The following NR3C2 variants were observed in gnomAD, a reference collection of about 807,000 sequenced individuals.
NR3C2 encodes mineralocorticoid receptor.
In NR3C2, 15 loss-of-function variants were observed where a neutral mutation model predicts 86.4. The observed-to-expected ratio is 0.17, with a 90% CI of 0.12 to 0.27. The LOEUF (loss-of-function observed/expected upper bound fraction) is 0.27, where lower values mean the gene tolerates loss of function less well. Among genes scored for constraint, NR3C2 ranks in the 10% least tolerant of loss-of-function variants. NR3C2 has a pLI of 1.00. For synonymous variants in NR3C2, 458 were observed against 450.5 expected (o/e 1.02, Z -0.21); for missense variants, 960 against 1,195.6 (o/e 0.80, Z 2.91).
chr4:148,357,080 T>C (rs925410556), intron 2 of NR3C2, among the ~76,000 whole-genome samples: 1 of 152,142 alleles, frequency 6.6e-6, no homozygotes, highest in African/African-American at 2.4e-5. Flanking sequence ...ATGTTATATA[T>C]TCATAAATAC....
chr4:148,102,444 C>T (rs1040441478), intron 8 of NR3C2, among the ~76,000 whole-genome samples: 1 of 152,180 alleles, frequency 6.6e-6, no homozygotes, highest in African/African-American at 2.4e-5. Context: ...CTTCATCCCC[C>T]CTCCCAGATC....
At chr4:148,411,500 C>T (rs1320270609) in intron 2 of NR3C2, among the ~76,000 whole-genome samples, 1 of 152,202 alleles carries the variant, frequency 6.6e-6, no homozygotes, top group Admixed American at 6.5e-5. Flanking sequence ...TATCTTTGTT[C>T]TGTATTTTTA....
At chr4:148,282,399 T>C (rs1478295857) in intron 2 of NR3C2, among the ~76,000 whole-genome samples, 6 of 152,194 alleles carry the variant, frequency 3.9e-5, no homozygotes, top group Admixed American at 2.0e-4. Context: ...CAATTAGCAA[T>C]AAAACCATTT....
chr4:148,127,178 G>A (rs1177316391), intron 6 of NR3C2, among the ~76,000 whole-genome samples: 1 of 152,034 alleles, frequency 6.6e-6, no homozygotes, highest in Non-Finnish European at 1.5e-5. Context: ...AAGAAAATAG[G>A]TCATCTTGAA....
intron 3 of NR3C2, chr4:148,208,640 G>T (rs1173062163): frequency 6.6e-6 from 1 of 152,184 alleles, no homozygotes; most frequent in Non-Finnish European, 1.5e-5. Context: ...TACACCCAAA[G>T]ACTCTCATGA....
At chr4:148,217,330 T>G (rs1019301278) in intron 3 of NR3C2, among the ~76,000 whole-genome samples, 1 of 152,224 alleles carries the variant, frequency 6.6e-6, no homozygotes, top group Non-Finnish European at 1.5e-5. Flanking sequence ...CATTTCAGAA[T>G]ACGAATACAG....
chr4:148,188,454 G>A (rs1736039545), intron 4 of NR3C2, among the ~76,000 whole-genome samples: 1 of 151,890 alleles, frequency 6.6e-6, no homozygotes. Flanking sequence ...TCCTTTCTTA[G>A]GTATATTCCT....
At chr4:148,371,477 C>A (rs1052562493) in intron 2 of NR3C2, among the ~76,000 whole-genome samples, 2 of 152,118 alleles carry the variant, frequency 1.3e-5, no homozygotes, top group Admixed American at 6.5e-5. Context: ...TCTGTAAATA[C>A]AGAAACAGAG....
chr4:148,130,829 T>G (rs60666708), intron 6 of NR3C2, among the ~76,000 whole-genome samples: 4,185 of 101,654 alleles, frequency 0.041, 176 homozygotes, highest in African/African-American at 0.14. Context: ...GTTTTTTTTT[T>G]TTTTTTTTTT....
chr4:148,418,856 A>G (rs1749134680), intron 2 of NR3C2, among the ~76,000 whole-genome samples: 1 of 152,224 alleles, frequency 6.6e-6, no homozygotes, highest in Admixed American at 6.5e-5. Context: ...GCTCAAGGCC[A>G]TATGATGAGC....
intron 3 of NR3C2, among the ~76,000 whole-genome samples, chr4:148,199,929 G>A (rs1352339920): frequency 6.6e-6 from 1 of 152,202 alleles, no homozygotes; most frequent in Non-Finnish European, 1.5e-5. Context: ...TCTGACTTAA[G>A]GAAGGGACCA....
At chr4:148,365,934 C>T (rs2126341238) in intron 2 of NR3C2, among the ~76,000 whole-genome samples, 1 of 152,282 alleles carries the variant, frequency 6.6e-6, no homozygotes, top group South Asian at 2.1e-4. Context: ...ATTTATAAGA[C>T]AGCCACAGAA....
chr4:148,354,725 T>C (rs1745469004), intron 2 of NR3C2, among the ~76,000 whole-genome samples: 5 of 152,256 alleles, frequency 3.3e-5, no homozygotes, highest in Admixed American at 2.0e-4. Flanking sequence ...GACATTCGTA[T>C]ATAAAGTATC....
intron 2 of NR3C2, among the ~76,000 whole-genome samples, chr4:148,397,161 AAG>A (rs1242270637): frequency 2.0e-5 from 3 of 152,326 alleles, no homozygotes; most frequent in Non-Finnish European, 4.4e-5. Context: ...GTGGCCAGCA[AAG>A]ACCAGCCCCC....
At chr4:148,154,091 C>A (rs1373461565) in intron 5 of NR3C2, among the ~76,000 whole-genome samples, 1 of 151,076 alleles carries the variant, frequency 6.6e-6, no homozygotes, top group Non-Finnish European at 1.5e-5. Context: ...TCACTGCAGC[C>A]TCTGCCGCCC....
intron 8 of NR3C2, among the ~76,000 whole-genome samples, chr4:148,103,736 A>C (rs1181929168): frequency 6.6e-6 from 1 of 152,168 alleles, no homozygotes; most frequent in Non-Finnish European, 1.5e-5. Context: ...TGCTGCCCTT[A>C]AACCATTAAT....
At position 148,361,486 on chromosome 4, in the gene NR3C2, G is replaced by GA. The variant is rs1383178333; in HGVS notation, c.1757+73617_1757+73618insT. ...ACCTTGCCCAGAAGTAGCTCTGTAA[G>GA]TTACTGCCCTTAGGGGCCTCTGAGA... On this transcript the variant is annotated intron_variant, in intron 2 of 8. Transcript: ENST00000358102. 5.9e-5 allele frequency among the ~76,000 whole-genome samples: 9 copies of GA among 152,336 alleles called. No individual in the cohort carries two copies. In the East Asian group the frequency reaches 1.3e-3, roughly 23 times the overall value.
At chr4:148,139,722 G>A (rs909389749) in intron 6 of NR3C2, among the ~76,000 whole-genome samples, 3 of 152,162 alleles carry the variant, frequency 2.0e-5, no homozygotes, top group Admixed American at 1.3e-4. Flanking sequence ...TAAGCAGGCC[G>A]AGGGTCTCCA....
At chr4:148,267,744 T>C (rs994017419) in intron 2 of NR3C2, among the ~76,000 whole-genome samples, 6 of 152,100 alleles carry the variant, frequency 3.9e-5, no homozygotes, top group African/African-American at 1.2e-4. Flanking sequence ...CTCTTTTATA[T>C]ACAGAACACT....
Sources: allele counts gnomAD v4.1 joint callset (sites outside exome capture counted in the v4.1 genomes callset), GRCh38; gene constraint gnomAD v4.1.1; transcripts MANE v1.5; gene names NCBI Gene and HGNC (gene_info 2026-07-23, HGNC 2026-07-21).